PCSK2: variants seen among roughly 807,000 people sequenced by gnomAD.
PCSK2 encodes the protein neuroendocrine convertase 2.
PCSK2 carries 14 observed loss-of-function variants against 69.7 expected under a neutral mutation model. The observed-to-expected ratio is 0.20, with a 90% confidence interval of 0.13 to 0.31. The LOEUF (loss-of-function observed/expected upper bound fraction) is 0.31. PCSK2 is among the 10% of genes least tolerant of loss of function. PCSK2 has a pLI of 1.00. For synonymous variants in PCSK2, 307 were observed against 320.7 expected, an observed-to-expected ratio of 0.96 and a Z score of 0.46; for missense variants, 544 against 842.5, an observed-to-expected ratio of 0.65 and a Z score of 4.39.
At chr20:17,238,343 G>C (rs1236138643) in intron 1 of PCSK2, among the ~76,000 whole-genome samples, 1 of 152,114 alleles carries the variant, frequency 6.6e-6, no homozygotes, top group Non-Finnish European at 1.5e-5. Context: ...AGCCAATCAA[G>C]TCTGCATTAC....
At chr20:17,443,933 C>A (rs1318294299) in intron 8 of PCSK2, among the ~76,000 whole-genome samples, 3 of 151,950 alleles carry the variant, frequency 2.0e-5, no homozygotes, top group African/African-American at 7.2e-5. Flanking sequence ...TTGACTTTTC[C>A]CCAAGAAATG....
chr20:17,425,756 C>A (rs2032234735), intron 6 of PCSK2, among the ~76,000 whole-genome samples: 1 of 152,188 alleles, frequency 6.6e-6, no homozygotes, highest in African/African-American at 2.4e-5. Context: ...ATGCAGACTC[C>A]TTTCATCTTT....
At chr20:17,316,468 C>G (rs763081410) in intron 2 of PCSK2, among the ~76,000 whole-genome samples, 1 of 152,202 alleles carries the variant, frequency 6.6e-6, no homozygotes, top group Non-Finnish European at 1.5e-5. Context: ...ACAGCCTCTA[C>G]TTGTTTCCTT....
In PCSK2 at chr20:17,480,340, C is replaced by T. The variant is rs142279263; in HGVS notation, c.1431-1244C>T. Among the ~76,000 whole-genome samples the T allele has an allele frequency of 2.1e-3, 319 of 152,092 alleles. 2 individuals carry two copies. The highest frequency in any genetic ancestry group is 6.5e-3 in the African/African-American group (269 of 41,474). On this transcript the variant is annotated intron_variant, in intron 11 of 11. Coordinates refer to ENST00000262545, the MANE Select transcript of PCSK2 (RefSeq NM_002594.5). The stretch of plus-strand genomic sequence containing the variant: ...AAGTAGCTGGGACTACAGGCGCCCA[C>T]CACCAAGCCCGGCTAATTTTTCGTA...
rs577685399 is a variant in PCSK2, at chr20:17,415,125, CA to C, written c.620+5788del. On this transcript the variant is annotated intron_variant, in intron 6 of 11. Coordinates refer to ENST00000262545, the MANE Select transcript of PCSK2 (RefSeq NM_002594.5). Reference sequence around the variant, plus strand: ...GAAGCATTCCCTTTGAAAACCAGCACAAGACGAGGATGCCCTCTGTCACCAC... The same window carrying C: ...GAAGCATTCCCTTTGAAAACCAGCACAGACGAGGATGCCCTCTGTCACCAC... 1.3e-3 allele frequency among the ~76,000 whole-genome samples: 205 copies of C among 152,322 alleles called. 1 individual carries two copies. The highest frequency in any genetic ancestry group is 4.9e-4 in the Non-Finnish European group (33 of 68,036).
chr20:17,304,301 A>G (rs574290764), intron 2 of PCSK2, among the ~76,000 whole-genome samples: 10 of 152,278 alleles, frequency 6.6e-5, no homozygotes, highest in African/African-American at 1.7e-4. Context: ...CTGCCACATA[A>G]TAGCCATTCA....
intron 2 of PCSK2, among the ~76,000 whole-genome samples, chr20:17,261,280 G>A (rs566326465): frequency 1.3e-5 from 2 of 152,314 alleles, no homozygotes; most frequent in African/African-American, 2.4e-5. Flanking sequence ...GATGAAAAGC[G>A]TGTCAGATGT....
At chr20:17,319,182 G>T (rs147911650) in intron 2 of PCSK2, among the ~76,000 whole-genome samples, 1 of 151,942 alleles carries the variant, frequency 6.6e-6, no homozygotes, top group Non-Finnish European at 1.5e-5. Flanking sequence ...ACCAAGCTAC[G>T]CCCCGATAAG....
chr20:17,305,009 G>C (rs1377543099), intron 2 of PCSK2, among the ~76,000 whole-genome samples: 1 of 152,136 alleles, frequency 6.6e-6, no homozygotes, highest in East Asian at 1.9e-4. Context: ...CATTTCACAA[G>C]CCTAGTAATG....
chr20:17,346,417 G>C (rs1165085063), intron 2 of PCSK2, among the ~76,000 whole-genome samples: 3 of 152,122 alleles, frequency 2.0e-5, no homozygotes, highest in Non-Finnish European at 4.4e-5. Flanking sequence ...CCATCCTTCT[G>C]TTCCTCCTCC....
chr20:17,303,377 A>G lies in PCSK2; in HGVS notation c.282+43033A>G, dbSNP rs1310397940. ...CATACAATATATGATATATAATTAT[A>G]TATTAATATAATATATAATATATGT... On this transcript the variant is annotated intron_variant, in intron 2 of 11. Coordinates refer to ENST00000262545, the MANE Select transcript of PCSK2 (RefSeq NM_002594.5). Among the ~76,000 whole-genome samples the G allele has an allele frequency of 2.4e-5, 3 of 127,256 alleles. No homozygotes were observed. In the East Asian group the frequency reaches 6.1e-4, roughly 26 times the overall value. The allele number at this position is 127,256 out of a possible 152,430, so 83.5% of individuals were successfully genotyped here.
intron 8 of PCSK2, among the ~76,000 whole-genome samples, chr20:17,452,145 G>C (rs1482761235): frequency 1.3e-5 from 2 of 151,952 alleles, no homozygotes; most frequent in African/African-American, 4.8e-5. Context: ...CTCCCAAAGT[G>C]CTGGGATTAC....
chr20:17,314,800 G>A (rs527659655), intron 2 of PCSK2, among the ~76,000 whole-genome samples: 18 of 152,270 alleles, frequency 1.2e-4, no homozygotes, highest in African/African-American at 4.1e-4. Context: ...TTCACGTGTT[G>A]TCTTTGCCAC....
chr20:17,341,062 C>A (rs1990497505), intron 2 of PCSK2, among the ~76,000 whole-genome samples: 1 of 151,932 alleles, frequency 6.6e-6, no homozygotes, highest in Non-Finnish European at 1.5e-5. Flanking sequence ...AGCAGCCTGG[C>A]CAAAATGTCT....
chr20:17,461,699 G>T (rs1258021680), intron 10 of PCSK2, among the ~76,000 whole-genome samples: 3 of 152,152 alleles, frequency 2.0e-5, no homozygotes, highest in African/African-American at 7.2e-5. Context: ...TGTTAATTGG[G>T]TTCAGGGGAA....
At chr20:17,358,523 T>A in intron 3 of PCSK2, 83 bp downstream of exon 3, 1 of 791,324 alleles carries the variant, frequency 1.3e-6, no homozygotes, top group Non-Finnish European at 2.2e-6. Flanking sequence ...CATTATTCAC[T>A]AGGATGTTAG....
chr20:17,304,898 T>A (rs1989280023), intron 2 of PCSK2, among the ~76,000 whole-genome samples: 1 of 152,214 alleles, frequency 6.6e-6, no homozygotes. Context: ...CCTGGCCTCC[T>A]ATTGTGTTTT....
chr20:17,329,193 G>A (rs1489424012), intron 2 of PCSK2, among the ~76,000 whole-genome samples: 1 of 152,148 alleles, frequency 6.6e-6, no homozygotes, highest in Admixed American at 6.5e-5. Context: ...GTAAATCAAT[G>A]TTAAATCCAA....
intron 2 of PCSK2, among the ~76,000 whole-genome samples, chr20:17,316,325 A>G (rs1989687728): frequency 6.6e-6 from 1 of 152,244 alleles, no homozygotes; most frequent in African/African-American, 2.4e-5. Context: ...TCTGTTATCT[A>G]AGTCATGCAA....
Sources: allele counts gnomAD v4.1 joint callset (sites outside exome capture counted in the v4.1 genomes callset), GRCh38; gene constraint gnomAD v4.1.1; transcripts MANE v1.5; gene names NCBI Gene and HGNC (gene_info 2026-07-23, HGNC 2026-07-21).